Variants in PNPT1 observed in about 807,000 individuals in gnomAD.
PNPT1 encodes the protein polyribonucleotide nucleotidyltransferase 1, also known as polyribonucleotide nucleotidyltransferase 1, mitochondrial.
PNPT1 carries 53 observed loss-of-function variants against 119.5 expected under a neutral mutation model. The observed-to-expected ratio is 0.44, with a 90% CI of 0.36 to 0.56. PNPT1 has a LOEUF of 0.56. Among genes scored for constraint, PNPT1 ranks in the 20% least tolerant of loss-of-function variants. The pLI is 0.00. For missense variants in PNPT1, 948 were observed against 938.5 expected (o/e 1.01, Z -0.13); for synonymous variants, 357 against 322.1 (o/e 1.11, Z -1.16).
chr2:55,686,776 A>G (rs1697417531), intron 2 of PNPT1, among the ~76,000 whole-genome samples: 1 of 152,214 alleles, frequency 6.6e-6, no homozygotes, highest in South Asian at 2.1e-4. Flanking sequence ...TCTCTAGAAA[A>G]GCACAACAGA....
rs757038741 is a variant in PNPT1 at position 55,656,355 on chromosome 2, G to C, written c.1301C>G (p.Thr434Ser). The C allele has an allele frequency of 9.3e-6, 15 of 1,604,568 alleles. No individual in the cohort carries two copies. The highest frequency in any genetic ancestry group is 1.3e-5 in the Non-Finnish European group (15 of 1,176,368). Residue 434 changes from threonine (T) to serine (S), a missense_variant, in exon 16 of 28, where the codon ACT becomes AGT. Thr to Ser is a moderately conservative substitution (Grantham distance 58). Transcript: ENST00000447944. ...ACCAGTGACTTTGCCAATTTCATTA[G>C]TTGCATAAGGAGGAAACTTAAAAAA... ...MLHYEFPPYATNEIGKVTGLN... is the reference protein window; with the variant it reads ...MLHYEFPPYASNEIGKVTGLN...
intron 14 of PNPT1, among the ~76,000 whole-genome samples, chr2:55,661,091 CTTTTTTTTTTT>C (rs1171064705): frequency 4.2e-5 from 3 of 71,622 alleles, no homozygotes; most frequent in East Asian, 3.4e-4. Context: ...AATAGAGATT[CTTTTTTTTTTT>C]TTTTTTTTTT....
At chr2:55,668,071 ACT>A (rs1356879492) in intron 11 of PNPT1, 113 bp from the exon 12 acceptor site, 4 of 912,122 alleles carry the variant, frequency 4.4e-6, no homozygotes, top group East Asian at 2.9e-5. Context: ...AAGGGAGATG[ACT>A]CTGAACGTTT....
chr2:55,640,630 T>A lies in PNPT1; in HGVS notation c.2145A>T (p.Arg715=), dbSNP rs556604506. 4 of 1,577,998 alleles carry A rather than the reference T, an allele frequency of 2.5e-6. No individual in the cohort carries two copies. In the East Asian group the frequency reaches 9.0e-5, roughly 35 times the overall value. The change falls in exon 26 of 28, where the codon CGA becomes CGT. Residue 715 remains arginine (R), a synonymous_variant. Coordinates refer to ENST00000447944, the MANE Select transcript of PNPT1 (RefSeq NM_033109.5). Reference sequence around the variant, plus strand: ...ACAATAACATCTGTCTTTTTACCTTTCGTTGATCAAGTTGTGTGTTATGAA... The same window carrying A: ...ACAATAACATCTGTCTTTTTACCTTACGTTGATCAAGTTGTGTGTTATGAA... ...VLLHNTQLDQ[R]KIKHPTALGL...
intron 22 of PNPT1, 41 bp downstream of exon 22, chr2:55,645,308 G>C: frequency 2.1e-6 from 3 of 1,417,602 alleles, no homozygotes; most frequent in Non-Finnish European, 3.0e-6. Flanking sequence ...ACAGGCGTGA[G>C]CCACCGCGCC....
chr2:55,683,845 A>G lies in PNPT1; in HGVS notation c.404-11T>C, dbSNP rs554698654. The G allele has an allele frequency of 5.1e-5, 82 of 1,606,972 alleles. No homozygotes were observed. The South Asian group carries it at 8.5e-4, about 17-fold the overall frequency. The stretch of plus-strand genomic sequence containing the variant: ...GTCTAATTGAACGATCTGCCAAAAG[A>G]AAAAAAAACACATTAAACCGTACTG... On this transcript the variant is annotated splice_polypyrimidine_tract_variant and intron_variant, in intron 4 of 27. Transcript: ENST00000447944.
chr2:55,662,109 C>G, intron 13 of PNPT1, 83 bp from the exon 14 acceptor site: 2 of 1,205,082 alleles, frequency 1.7e-6, no homozygotes, highest in Non-Finnish European at 2.2e-6. Flanking sequence ...ATCCAACTAA[C>G]TCTTAAAAAA....
chr2:55,689,947 G>A (rs1018764901), intron 1 of PNPT1, among the ~76,000 whole-genome samples: 2 of 152,030 alleles, frequency 1.3e-5, no homozygotes, highest in Admixed American at 6.6e-5. Flanking sequence ...TCAGCCTCCC[G>A]AGTAGCTCGA....
chr2:55,657,628 C>T (rs1273483992), intron 15 of PNPT1, among the ~76,000 whole-genome samples: 11 of 151,238 alleles, frequency 7.3e-5, no homozygotes, highest in Admixed American at 2.0e-4. Flanking sequence ...TCAGGTGATC[C>T]GCCCGCCTCG....
At position 55,680,204 on chromosome 2, in the gene PNPT1, C is replaced by A. The variant is rs1209791557; in HGVS notation, c.566-409G>T. ...CATATTCTTAGCACTTTGACTATGT[C>A]TTTATAATAACACTGATCATAAGTA... is the stretch of plus-strand genomic sequence containing the variant. On this transcript the variant is annotated intron_variant, in intron 7 of 27. Coordinates refer to ENST00000447944, the MANE Select transcript of PNPT1 (RefSeq NM_033109.5). 3.3e-5 allele frequency among the ~76,000 whole-genome samples: 5 copies of A among 152,154 alleles called. No individual in the cohort carries two copies. The East Asian group carries it at 9.6e-4, about 29-fold the overall frequency.
intron 8 of PNPT1, among the ~76,000 whole-genome samples, chr2:55,676,938 T>C (rs906984921): frequency 3.3e-5 from 5 of 152,214 alleles, no homozygotes; most frequent in Admixed American, 1.3e-4. Flanking sequence ...TACTTTTTTG[T>C]ATTTTTGTAT....
At chr2:55,691,872 ATATATATTTTTT>A (rs1159866483) in intron 1 of PNPT1, among the ~76,000 whole-genome samples, 1 of 11,562 alleles carries the variant, frequency 8.6e-5, no homozygotes, top group African/African-American at 1.8e-4. Flanking sequence ...ATATATATAT[ATATATATTTTTT>A]TTTTTTTTTT....
intron 10 of PNPT1, among the ~76,000 whole-genome samples, 176 bp downstream of exon 10, chr2:55,671,817 ACT>A (rs988448529): frequency 1.3e-5 from 2 of 152,160 alleles, no homozygotes; most frequent in Non-Finnish European, 2.9e-5. Context: ...ACAGAGAGAG[ACT>A]CTGTCTCAAA....
intron 15 of PNPT1, among the ~76,000 whole-genome samples, chr2:55,658,903 A>C (rs1276421719): frequency 6.6e-6 from 1 of 152,232 alleles, no homozygotes; most frequent in Non-Finnish European, 1.5e-5. Flanking sequence ...AACAAGGGTT[A>C]CACAAAAACG....
chr2:55,665,053 A>G (rs1211315334), intron 13 of PNPT1, among the ~76,000 whole-genome samples: 2 of 152,182 alleles, frequency 1.3e-5, no homozygotes, highest in South Asian at 2.1e-4. Context: ...TGCTTCTCAG[A>G]TATTAAAATA....
intron 13 of PNPT1, among the ~76,000 whole-genome samples, chr2:55,662,657 G>A (rs931279002): frequency 3.9e-5 from 6 of 152,102 alleles, no homozygotes; most frequent in African/African-American, 1.4e-4. Flanking sequence ...CTGGGCAACA[G>A]AGCGAGACTC....
intron 8 of PNPT1, among the ~76,000 whole-genome samples, chr2:55,677,644 A>G (rs1202560660): frequency 6.7e-6 from 1 of 149,660 alleles, no homozygotes; most frequent in East Asian, 2.0e-4. Flanking sequence ...CATTCCTCTA[A>G]TGTCTACTTA....
intron 1 of PNPT1, 106 bp from the exon 2 acceptor site, chr2:55,687,811 C>G (rs1697460666): frequency 2.9e-6 from 2 of 701,192 alleles, no homozygotes; most frequent in African/African-American, 1.8e-5. Context: ...AACCCCCAAC[C>G]CACCCACTCC....
At chr2:55,644,797 A>ATTT in intron 22 of PNPT1, 77 bp from the exon 23 acceptor site, 6 of 777,844 alleles carry the variant, frequency 7.7e-6, no homozygotes, top group Admixed American at 3.4e-5. Flanking sequence ...GTCACTTGAG[A>ATTT]TTTTTTTTTT....
Sources: gnomAD v4.1 joint callset for allele counts (sites outside exome capture counted in the v4.1 genomes callset) on GRCh38, gnomAD v4.1.1 for gene constraint, MANE v1.5 for transcripts, NCBI Gene and HGNC (gene_info 2026-07-23, HGNC 2026-07-21) for gene names.